Variants in CCNY observed in about 807,000 individuals in gnomAD.
The protein encoded by CCNY is cyclin Y.
Under a neutral mutation model 42.8 loss-of-function variants are expected in CCNY, and 19 were observed. That is an observed-to-expected ratio of 0.44 (90% CI 0.31 to 0.65). The LOEUF (loss-of-function observed/expected upper bound fraction) is 0.65. Among genes scored for constraint, CCNY ranks in the 30% least tolerant of loss-of-function variants. The pLI is 0.07. For synonymous variants in CCNY, 165 were observed against 162.7 expected, an observed-to-expected ratio of 1.01 and a Z score of -0.11; for missense variants, 370 against 437.3, an observed-to-expected ratio of 0.85 and a Z score of 1.37.
intron 1 of CCNY, among the ~76,000 whole-genome samples, chr10:35,472,185 A>G (rs949294861): frequency 1.3e-5 from 2 of 152,208 alleles, no homozygotes; most frequent in African/African-American, 4.8e-5. Flanking sequence ...CCTAATCGTC[A>G]TAGCAGTTCT....
chr10:35,297,898 T>C (rs1279154170), intron 3 of CCNY, among the ~76,000 whole-genome samples: 2 of 152,024 alleles, frequency 1.3e-5, no homozygotes, highest in Non-Finnish European at 2.9e-5. Flanking sequence ...ATCAATATCA[T>C]TATAACGGCC....
intron 1 of CCNY, among the ~76,000 whole-genome samples, chr10:35,393,654 A>G (rs921239601): frequency 6.6e-6 from 1 of 152,092 alleles, no homozygotes; most frequent in African/African-American, 2.4e-5. Context: ...GCAGCTCACT[A>G]GGTGAGCTGT....
intron 1 of CCNY, among the ~76,000 whole-genome samples, chr10:35,475,754 C>CA (rs1839494745): frequency 6.6e-6 from 1 of 150,486 alleles, no homozygotes; most frequent in African/African-American, 2.5e-5. Context: ...AACCAGCTAA[C>CA]ATCATAATGA....
At chr10:35,527,586 A>G (rs188913677) in intron 5 of CCNY, among the ~76,000 whole-genome samples, 4 of 152,358 alleles carry the variant, frequency 2.6e-5, no homozygotes, top group Non-Finnish European at 4.4e-5. Context: ...CTAAGATGAT[A>G]CAACTAGTAA....
At chr10:35,549,776 T>TA (rs1841208397) in intron 7 of CCNY, among the ~76,000 whole-genome samples, 1 of 120,710 alleles carries the variant, frequency 8.3e-6, no homozygotes, top group Non-Finnish European at 1.7e-5. Flanking sequence ...GCGCTGCTCA[T>TA]GACACATGAC....
rs182106671 is a variant in CCNY, at chr10:35,571,406, A to G, written c.*2236A>G. 6.6e-6 allele frequency: 1 copy of G among 152,504 alleles called. No individual in the cohort carries two copies. Among genetic ancestry groups the G allele is most frequent in the Admixed American group, 6.5e-5 (1 of 15,308 alleles). 9.4% of individuals were successfully genotyped at this position (152,504 alleles called of 1,614,324 possible). On this transcript the variant is annotated 3_prime_UTR_variant, in exon 10 of 10. Coordinates refer to ENST00000374704, the MANE Select transcript of CCNY (RefSeq NM_145012.6). ...AGTGGATTCCATAAAACCAGACTCA[A>G]GTCTTGTTTAGACTACTGAATACTG...
intron 1 of CCNY, among the ~76,000 whole-genome samples, chr10:35,433,741 A>G (rs1192207624): frequency 1.3e-5 from 2 of 152,094 alleles, no homozygotes; most frequent in East Asian, 3.9e-4. Context: ...CCTCCCCAGT[A>G]TCTGGGACCA....
chr10:35,447,105 G>T (rs752735367), intron 1 of CCNY, among the ~76,000 whole-genome samples: 1 of 152,104 alleles, frequency 6.6e-6, no homozygotes, highest in African/African-American at 2.4e-5. Flanking sequence ...GTGAAACCCC[G>T]TCTCTACTAA....
At chr10:35,321,828 C>A (rs1349688934) in intron 3 of CCNY, among the ~76,000 whole-genome samples, 1 of 152,114 alleles carries the variant, frequency 6.6e-6, no homozygotes, top group Non-Finnish European at 1.5e-5. Context: ...TATAAAGCTA[C>A]ATTATTATTA....
intron 3 of CCNY, among the ~76,000 whole-genome samples, chr10:35,264,612 T>C (rs2095723081): frequency 6.6e-6 from 1 of 152,170 alleles, no homozygotes; most frequent in South Asian, 2.1e-4. Flanking sequence ...CATGTATATC[T>C]TTTGAGCAGT....
chr10:35,499,821 G>A (rs985806373), intron 2 of CCNY, among the ~76,000 whole-genome samples: 10 of 152,110 alleles, frequency 6.6e-5, no homozygotes, highest in East Asian at 1.9e-4. Context: ...AAGGGTTTCC[G>A]GGTCCCTTCA....
chr10:35,333,054 T>G (rs192164683), upstream of CCNY, among the ~76,000 whole-genome samples: 30 of 152,196 alleles, frequency 2.0e-4, no homozygotes, highest in East Asian at 4.3e-3. Flanking sequence ...TTTTTTCTTT[T>G]AAGAGACAGG....
chr10:35,303,459 C>T (rs1000277709), intron 3 of CCNY, among the ~76,000 whole-genome samples: 1 of 150,680 alleles, frequency 6.6e-6, no homozygotes, highest in Non-Finnish European at 1.5e-5. Context: ...GGATTACAGG[C>T]GAAAGACCAT....
At position 35,551,178 on chromosome 10, in the gene CCNY, G is replaced by A. The variant is rs192439467; in HGVS notation, c.580-1841G>A. Among the ~76,000 whole-genome samples the A allele has an allele frequency of 1.6e-3, 238 of 152,168 alleles. 2 individuals are homozygous for A. Among genetic ancestry groups the A allele is most frequent in the Middle Eastern group, 3.4e-3 (1 of 294 alleles). Reference sequence around the variant, plus strand: ...TACAGGCCTTGTGCATTCGCATCCCGTAAGAGACCTCTCCCAATCAGTGTT... The same window carrying A: ...TACAGGCCTTGTGCATTCGCATCCCATAAGAGACCTCTCCCAATCAGTGTT... On this transcript the variant is annotated intron_variant, in intron 7 of 9. Coordinates refer to ENST00000374704, the MANE Select transcript of CCNY (RefSeq NM_145012.6).
intron 1 of CCNY, among the ~76,000 whole-genome samples, chr10:35,379,535 G>A (rs1837130881): frequency 1.3e-5 from 2 of 152,230 alleles, no homozygotes; most frequent in Non-Finnish European, 2.9e-5. Flanking sequence ...CGAGGGAAGT[G>A]ATTGAGTGAG....
At chr10:35,283,472 C>T (rs1835319690) in intron 3 of CCNY, among the ~76,000 whole-genome samples, 1 of 151,740 alleles carries the variant, frequency 6.6e-6, no homozygotes, top group Admixed American at 6.6e-5. Context: ...GTGACCTTGG[C>T]TCACTGCAAC....
chr10:35,410,803 G>A (rs1837886950), intron 1 of CCNY, among the ~76,000 whole-genome samples: 1 of 152,204 alleles, frequency 6.6e-6, no homozygotes, highest in Non-Finnish European at 1.5e-5. Flanking sequence ...TGGAGGGCTG[G>A]GTTTTGAGAC....
chr10:35,336,982 C>G lies in CCNY; in HGVS notation c.-72C>G. The G allele has an allele frequency of 2.4e-6, 3 of 1,229,058 alleles. No individual in the cohort carries two copies. The highest frequency in any genetic ancestry group is 3.1e-6 in the Non-Finnish European group (3 of 963,030). The allele number at this position is 1,229,058 out of a possible 1,614,324, so 76.1% of individuals were successfully genotyped here. A position where few individuals can be genotyped will look rare whatever the true frequency, so the allele number is the denominator to read the frequency against. On this transcript the variant is annotated 5_prime_UTR_variant, in exon 1 of 10. Transcript: ENST00000374704. Reference sequence around the variant, plus strand: ...CCACACGCCCCCGCCGCCCGCGCCCCGCGTCCACCCGCGCCCCGCTCCCGG... The same window carrying G: ...CCACACGCCCCCGCCGCCCGCGCCCGGCGTCCACCCGCGCCCCGCTCCCGG...
At chr10:35,278,131 G>A (rs1835259553) in intron 3 of CCNY, among the ~76,000 whole-genome samples, 1 of 152,094 alleles carries the variant, frequency 6.6e-6, no homozygotes, top group Non-Finnish European at 1.5e-5. Flanking sequence ...GGGGAAGAGA[G>A]TGTGAGGCCA....
Sources: gnomAD v4.1 joint callset for allele counts (sites outside exome capture counted in the v4.1 genomes callset) on GRCh38, gnomAD v4.1.1 for gene constraint, MANE v1.5 for transcripts, NCBI Gene and HGNC (gene_info 2026-07-23, HGNC 2026-07-21) for gene names.